The following TMEM131L variants were observed in gnomAD, a reference collection of about 807,000 sequenced individuals.
TMEM131L encodes transmembrane protein 131-like.
Under a neutral mutation model 192.2 loss-of-function variants are expected in TMEM131L, and 54 were observed. That is an observed-to-expected ratio of 0.28 (90% CI 0.23 to 0.35). TMEM131L has a LOEUF of 0.35. Ranked by LOEUF, TMEM131L falls within the 10% of genes least tolerant of loss-of-function variation. The pLI, the probability that TMEM131L is intolerant of heterozygous loss-of-function variation, is 1.00. For missense variants in TMEM131L, 1,888 were observed against 1,972.9 expected (o/e 0.96, Z 0.82); for synonymous variants, 701 against 704.9 (o/e 0.99, Z 0.09).
At chr4:153,587,162 G>T (rs1464716535) in intron 14 of TMEM131L, among the ~76,000 whole-genome samples, 1 of 152,008 alleles carries the variant, frequency 6.6e-6, no homozygotes, top group East Asian at 1.9e-4. Flanking sequence ...TTGAGCAGGG[G>T]TGGTTTCTTA....
chr4:153,466,501 C>A lies in TMEM131L; in HGVS notation c.104C>A (p.Pro35Gln). Residue 35 changes from proline (P) to glutamine (Q), a missense_variant, in exon 1 of 35, where the codon CCG (proline) becomes CAG (glutamine). Pro to Gln is a moderately conservative substitution (Grantham distance 76, BLOSUM62 -1). Coordinates refer to ENST00000409959, the MANE Select transcript of TMEM131L (RefSeq NM_001131007.2). ...CAGGTCCTGCTGCCCTGCTGTCGCC[C>A]GGGAGGGGCTCAGGGACAAGGTCAG... is the stretch of plus-strand genomic sequence containing the variant. Reference protein sequence around the residue: ...VFQVLLPCCRPGGAQGQAIEP... With the variant: ...VFQVLLPCCRQGGAQGQAIEP... 7.1e-7 allele frequency: 1 copy of A among 1,405,648 alleles called. No homozygotes were observed. The highest frequency in any genetic ancestry group is 9.3e-7 in the Non-Finnish European group (1 of 1,070,366). 87.1% of individuals were successfully genotyped at this position (1,405,648 alleles called of 1,614,324 possible). A position where few individuals can be genotyped will look rare whatever the true frequency, so the allele number is the denominator to read the frequency against.
chr4:153,518,739 A>G (rs1298026902), intron 3 of TMEM131L, among the ~76,000 whole-genome samples: 1 of 152,170 alleles, frequency 6.6e-6, no homozygotes, highest in East Asian at 1.9e-4. Context: ...TACTGTAAAA[A>G]TCAATAGCCC....
At chr4:153,576,109 G>A (rs538299937) in intron 7 of TMEM131L, among the ~76,000 whole-genome samples, 4 of 152,048 alleles carry the variant, frequency 2.6e-5, no homozygotes, top group South Asian at 2.1e-4. Context: ...ACAGGCGCCC[G>A]CCACCATGCC....
At chr4:153,519,573 G>C (rs1374495311) in intron 3 of TMEM131L, among the ~76,000 whole-genome samples, 1 of 152,154 alleles carries the variant, frequency 6.6e-6, no homozygotes, top group East Asian at 1.9e-4. Flanking sequence ...TGTGGAGAAT[G>C]ACCAAGCAAT....
intron 19 of TMEM131L, among the ~76,000 whole-genome samples, chr4:153,595,441 A>T (rs1186165295): frequency 3.6e-5 from 5 of 140,638 alleles, no homozygotes; most frequent in Non-Finnish European, 6.5e-5. Flanking sequence ...TTATAATTCT[A>T]ATAAAAATGA....
In TMEM131L at chr4:153,602,525, G is replaced by T; in HGVS notation, c.2454-17G>T. 2 of 1,610,986 alleles carry T rather than the reference G, an allele frequency of 1.2e-6. No homozygotes were observed. The highest frequency in any genetic ancestry group is 2.2e-5 in the South Asian group (2 of 90,806). ...AAAACAATTAAAAGTTCATAAAGAT[G>T]ACTCTTTTATTTTCAGGTTCACTCC... On this transcript the variant is annotated splice_polypyrimidine_tract_variant and intron_variant, in intron 22 of 34. Coordinates refer to ENST00000409959, the MANE Select transcript of TMEM131L (RefSeq NM_001131007.2).
chr4:153,591,230 G>T, intron 17 of TMEM131L, 36 bp downstream of exon 17: 2 of 1,543,896 alleles, frequency 1.3e-6, no homozygotes, highest in South Asian at 1.2e-5. Flanking sequence ...CTTTGTCAGT[G>T]ACTCCCCAGT....
chr4:153,488,099 G>T (rs942916095), intron 3 of TMEM131L, among the ~76,000 whole-genome samples: 1 of 150,688 alleles, frequency 6.6e-6, no homozygotes, highest in Admixed American at 6.6e-5. Flanking sequence ...GCTGAGTTTT[G>T]TGTGCGTGTG....
intron 2 of TMEM131L, among the ~76,000 whole-genome samples, chr4:153,469,957 A>AAAC (rs1561105609): frequency 8.4e-5 from 12 of 142,636 alleles, no homozygotes; most frequent in African/African-American, 3.5e-4. Context: ...AACAAACAAA[A>AAAC]AAACCAGTAA....
chr4:153,570,448 G>C (rs1168702771), intron 7 of TMEM131L, among the ~76,000 whole-genome samples: 1 of 152,146 alleles, frequency 6.6e-6, no homozygotes, highest in Non-Finnish European at 1.5e-5. Context: ...GCTAATCTGG[G>C]TACTTTGGGG....
chr4:153,502,990 C>T (rs1380226700), intron 3 of TMEM131L, among the ~76,000 whole-genome samples: 1 of 151,420 alleles, frequency 6.6e-6, no homozygotes, highest in African/African-American at 2.4e-5. Flanking sequence ...TTTTCCTCTA[C>T]TCTTCCTGAC....
intron 7 of TMEM131L, among the ~76,000 whole-genome samples, chr4:153,572,265 C>G (rs753269211): frequency 5.9e-5 from 9 of 152,198 alleles, no homozygotes; most frequent in Non-Finnish European, 1.2e-4. Context: ...AACACCAGAA[C>G]TCATTCTGTC....
At chr4:153,599,443 C>T (rs1731675716) in intron 21 of TMEM131L, among the ~76,000 whole-genome samples, 1 of 152,116 alleles carries the variant, frequency 6.6e-6, no homozygotes, top group South Asian at 2.1e-4. Flanking sequence ...ACTCAAGAGG[C>T]TAGGGTGGGA....
intron 3 of TMEM131L, among the ~76,000 whole-genome samples, chr4:153,546,323 G>T (rs1737172934): frequency 1.3e-5 from 2 of 151,550 alleles, no homozygotes; most frequent in African/African-American, 4.9e-5. Context: ...ATTATTTGAT[G>T]CCAGGTTGTG....
intron 31 of TMEM131L, among the ~76,000 whole-genome samples, 166 bp downstream of exon 31, chr4:153,627,853 T>C (rs1214858784): frequency 1.3e-5 from 2 of 152,210 alleles, no homozygotes; most frequent in Admixed American, 6.5e-5. Flanking sequence ...GCACCTACTC[T>C]GTGGACGGGC....
chr4:153,550,731 A>ACT (rs10675010), intron 4 of TMEM131L, among the ~76,000 whole-genome samples: 71,351 of 151,752 alleles, frequency 0.47, 21,002 homozygotes, highest in African/African-American at 0.84. Flanking sequence ...ATAATGAAAA[A>ACT]CTAAATATTG....
intron 3 of TMEM131L, among the ~76,000 whole-genome samples, chr4:153,489,148 C>T (rs181228734): frequency 5.9e-5 from 9 of 152,288 alleles, no homozygotes; most frequent in Non-Finnish European, 1.0e-4. Flanking sequence ...CAGCGAGACT[C>T]GTCTGTGAGC....
intron 17 of TMEM131L, among the ~76,000 whole-genome samples, chr4:153,592,060 T>G (rs1360077747): frequency 1.3e-5 from 2 of 152,146 alleles, no homozygotes; most frequent in African/African-American, 4.8e-5. Flanking sequence ...TGAACCATAG[T>G]ATAATGATCA....
chr4:153,556,010 G>A (rs1728409341), intron 5 of TMEM131L, 100 bp downstream of exon 5: 15 of 1,160,588 alleles, frequency 1.3e-5, no homozygotes, highest in African/African-American at 4.8e-5. Flanking sequence ...CCTGTCTCCC[G>A]CTTTTTCTGG....
Sources: gnomAD v4.1 joint callset for allele counts (sites outside exome capture counted in the v4.1 genomes callset) on GRCh38, gnomAD v4.1.1 for gene constraint, MANE v1.5 for transcripts, NCBI Gene and HGNC (gene_info 2026-07-23, HGNC 2026-07-21) for gene names.